The following HOXC4 variants were observed in gnomAD, a reference collection of about 807,000 sequenced individuals.
HOXC4 encodes the protein homeobox C4, also known as homeobox protein Hox-C4.
Under a neutral mutation model 25.5 loss-of-function variants are expected in HOXC4, and 15 were observed. The observed-to-expected ratio is 0.59, with a 90% CI of 0.39 to 0.91. The LOEUF (loss-of-function observed/expected upper bound fraction) is 0.91, where lower values mean the gene tolerates loss of function less well. HOXC4 is among the 40% of genes least tolerant of loss of function. HOXC4 has a pLI of 0.00. For synonymous variants in HOXC4, 165 were observed against 148.0 expected, an observed-to-expected ratio of 1.11 and a Z score of -0.83; for missense variants, 342 against 352.4, an observed-to-expected ratio of 0.97 and a Z score of 0.24.
intron 1 of HOXC4, among the ~76,000 whole-genome samples, chr12:54,045,891 G>A (rs1473589267): frequency 2.0e-5 from 3 of 152,130 alleles, no homozygotes; most frequent in Non-Finnish European, 4.4e-5. Flanking sequence ...CTGCCTCCAG[G>A]CTGCCTCTGT....
In HOXC4 at chr12:54,053,914, C is replaced by T; in HGVS notation, c.-9C>T. ...AAGCGAGAAAAATTATTTTCCACTC[C>T]AGAAATTAATGATCATGAGCTCGTA... On this transcript the variant is annotated 5_prime_UTR_variant, in exon 1 of 2. Transcript: ENST00000430889. 1 of 1,593,098 alleles carries T rather than the reference C, an allele frequency of 6.3e-7. No individual in the cohort carries two copies. The highest frequency in any genetic ancestry group is 8.6e-7 in the Non-Finnish European group (1 of 1,163,064).
At chr12:54,052,627 G>A (rs547835099), upstream of HOXC4, among the ~76,000 whole-genome samples, 2 of 151,014 alleles carry the variant, frequency 1.3e-5, no homozygotes, top group East Asian at 1.9e-4. Context: ...CCTCCTCTAC[G>A]GCCCTGTCAC....
chr12:54,027,347 T>A (rs926923431), intron 1 of HOXC4, among the ~76,000 whole-genome samples: 4 of 152,182 alleles, frequency 2.6e-5, no homozygotes, highest in Non-Finnish European at 5.9e-5. Flanking sequence ...GGCGGTGCCC[T>A]GAGTCTGGAG....
chr12:54,034,648 C>A, intron 1 of HOXC4: 1 of 632,772 alleles, frequency 1.6e-6, no homozygotes, highest in Non-Finnish European at 2.7e-6. Context: ...CTTGGCATTC[C>A]GCATCCCTAC....
chr12:54,032,572 C>G (rs1393844991), intron 1 of HOXC4, among the ~76,000 whole-genome samples: 1 of 152,178 alleles, frequency 6.6e-6, no homozygotes, highest in East Asian at 1.9e-4. Context: ...ACTTTCATTA[C>G]AAAAAGCACT....
intron 1 of HOXC4, chr12:54,033,245 C>G (rs780887866): frequency 1.1e-5 from 18 of 1,614,046 alleles, no homozygotes; most frequent in South Asian, 7.7e-5. Flanking sequence ...ACTGCTACGG[C>G]GGATTGGACT....
chr12:54,020,597 A>C (rs1409339038), intron 1 of HOXC4: 1 of 151,934 alleles, frequency 6.6e-6, no homozygotes, highest in East Asian at 1.9e-4. Context: ...ATATATACAG[A>C]CTCATATTTC....
intron 1 of HOXC4, among the ~76,000 whole-genome samples, chr12:54,042,481 T>G (rs1321549251): frequency 6.6e-6 from 1 of 152,196 alleles, no homozygotes; most frequent in Non-Finnish European, 1.5e-5. Context: ...ATTTTGTGAG[T>G]GCCTCGACCC....
chr12:54,032,957 C>T (rs1480787004), intron 1 of HOXC4: 1 of 614,036 alleles, frequency 1.6e-6, no homozygotes, highest in African/African-American at 1.9e-5. Flanking sequence ...AGTCACGTGA[C>T]TCTATTTAAG....
intron 1 of HOXC4, chr12:54,021,593 G>A (rs751464347): frequency 6.6e-6 from 1 of 152,270 alleles, no homozygotes; most frequent in Non-Finnish European, 1.5e-5. Flanking sequence ...AGGTGATCGG[G>A]TTCCTCCCAA....
intron 1 of HOXC4, chr12:54,028,246 CATATATAT>C (rs147627891): frequency 0.02 from 2,950 of 149,392 alleles, 166 homozygotes; most frequent in East Asian, 0.15. Context: ...AGTTCCCTTA[CATATATAT>C]ATATATATAT....
chr12:54,020,552 C>T (rs1425914690), intron 1 of HOXC4: 3 of 152,206 alleles, frequency 2.0e-5, no homozygotes, highest in Non-Finnish European at 4.4e-5. Context: ...TTATTATATA[C>T]AGGCTTAAAT....
Position 54,055,689 on chromosome 12 carries a change from A to T in HOXC4, c.*484A>T, listed in dbSNP as rs772472613. The T allele has an allele frequency of 2.0e-5, 3 of 152,044 alleles. No individual in the cohort carries two copies. The highest frequency in any genetic ancestry group is 4.4e-5 in the Non-Finnish European group (3 of 67,906). The allele number at this position is 152,044 out of a possible 1,614,324, so 9.4% of individuals were successfully genotyped here. A position where few individuals can be genotyped will look rare whatever the true frequency, so the allele number is the denominator to read the frequency against. Reference sequence around the variant, plus strand: ...CATTGAAAATGCACCAGGGGAGGTTAGTGAGGGGGAAGTCATTTTAAGGAG... The same window carrying T: ...CATTGAAAATGCACCAGGGGAGGTTTGTGAGGGGGAAGTCATTTTAAGGAG... On this transcript the variant is annotated 3_prime_UTR_variant, in exon 2 of 2. Coordinates refer to ENST00000430889, the MANE Select transcript of HOXC4 (RefSeq NM_153633.3).
Position 54,054,109 on chromosome 12 carries a change from C to A in HOXC4, c.187C>A (p.Pro63Thr). 3 of 1,614,216 alleles carry A rather than the reference C, an allele frequency of 1.9e-6. No homozygotes were observed. The highest frequency in any genetic ancestry group is 2.5e-6 in the Non-Finnish European group (3 of 1,180,034). Residue 63 changes from proline (P) to threonine (T), a missense_variant, in exon 1 of 2, where the codon CCT becomes ACT. Transcript: ENST00000430889. ...YPPPPPRPSY[P>T]ERQYSCTSLQ... ...ACCACCGCCTCCGCGCCCTAGCTAC[C>A]CTGAGCGCCAGTATAGCTGCACCAG...
Position 54,053,934 on chromosome 12 carries a change from C to T in HOXC4, c.12C>T (p.Ser4=). ...CACTCCAGAAATTAATGATCATGAG[C>T]TCGTATTTGATGGACTCTAACTACA... MIM[S]SYLMDSNYID... is the part of the protein sequence containing the mutation. The change falls in exon 1 of 2, where the codon AGC becomes AGT. Residue 4 remains serine, a synonymous_variant. Transcript: ENST00000430889. 6.2e-7 allele frequency: 1 copy of T among 1,605,360 alleles called. No individual in the cohort carries two copies. The highest frequency in any genetic ancestry group is 8.5e-7 in the Non-Finnish European group (1 of 1,172,658).
chr12:54,026,935 T>G (rs1181851970), intron 1 of HOXC4, among the ~76,000 whole-genome samples: 1 of 143,244 alleles, frequency 7.0e-6, no homozygotes, highest in Non-Finnish European at 1.5e-5. Flanking sequence ...ATAGCCAGCT[T>G]TCCCCCCCCC....
chr12:54,031,360 G>A (rs1940979821), intron 1 of HOXC4, among the ~76,000 whole-genome samples: 1 of 152,218 alleles, frequency 6.6e-6, no homozygotes, highest in African/African-American at 2.4e-5. Flanking sequence ...AGCCCTGTCG[G>A]CAGGGATTGA....
intron 1 of HOXC4, chr12:54,047,775 C>T (rs188181530): frequency 6.6e-6 from 1 of 152,372 alleles, no homozygotes; most frequent in Non-Finnish European, 1.5e-5. Flanking sequence ...CTAGGAAGAG[C>T]AGACTCTGGT....
chr12:54,045,380 T>C (rs1465317690), intron 1 of HOXC4, among the ~76,000 whole-genome samples: 1 of 152,268 alleles, frequency 6.6e-6, no homozygotes, highest in Non-Finnish European at 1.5e-5. Flanking sequence ...GTTGGATGTA[T>C]ATGCTAGGAT....
Sources: gnomAD v4.1 joint callset for allele counts (sites outside exome capture counted in the v4.1 genomes callset) on GRCh38, gnomAD v4.1.1 for gene constraint, MANE v1.5 for transcripts, NCBI Gene and HGNC (gene_info 2026-07-23, HGNC 2026-07-21) for gene names.